Variants in OXR1 observed in about 807,000 individuals in gnomAD.
The protein encoded by OXR1 is oxidation resistance protein 1.
A neutral mutation model predicts 104.6 loss-of-function variants in OXR1; 41 were observed. That is an observed-to-expected ratio of 0.39 (90% CI 0.31 to 0.51). The LOEUF is 0.51. Ranked by LOEUF, OXR1 falls within the 20% of genes least tolerant of loss-of-function variation. OXR1 has a pLI of 0.77. For synonymous variants in OXR1, 348 were observed against 348.4 expected (o/e 1.00, Z 0.01); for missense variants, 955 against 1,031.9 (o/e 0.93, Z 1.02).
intron 3 of OXR1, among the ~76,000 whole-genome samples, chr8:106,524,412 A>C (rs78598320): frequency 0.014 from 2,197 of 152,328 alleles, 46 homozygotes; most frequent in East Asian, 0.11. Flanking sequence ...AGGGAACTGG[A>C]GCTGGAATTC....
chr8:106,624,074 T>C lies in OXR1; in HGVS notation c.221-55136T>C, dbSNP rs529104151. Among the ~76,000 whole-genome samples, 3 of 152,328 alleles carry C rather than the reference T, an allele frequency of 2.0e-5. No individual in the cohort carries two copies. In the South Asian group the frequency reaches 6.2e-4, roughly 32 times the overall value. On this transcript the variant is annotated intron_variant, in intron 3 of 16. Transcript: ENST00000517566. Reference sequence around the variant, plus strand: ...GTTTTCATTCACATGTGTGTTTTCTTTCCTCTCCACCCTTGTTTCTCTGGA... The same window carrying C: ...GTTTTCATTCACATGTGTGTTTTCTCTCCTCTCCACCCTTGTTTCTCTGGA...
At chr8:106,453,427 G>A (rs962856776) in intron 2 of OXR1, among the ~76,000 whole-genome samples, 17 of 152,192 alleles carry the variant, frequency 1.1e-4, no homozygotes, top group African/African-American at 3.9e-4. Context: ...AGTTGAAATT[G>A]TCTGCTGGAT....
At chr8:106,287,258 C>CT (rs1366833345) in intron 1 of OXR1, among the ~76,000 whole-genome samples, 7 of 152,102 alleles carry the variant, frequency 4.6e-5, no homozygotes. Context: ...TTGTTCATGG[C>CT]TAAAAGGAGG....
chr8:106,349,221 A>G (rs1815622210), intron 1 of OXR1, among the ~76,000 whole-genome samples: 1 of 152,188 alleles, frequency 6.6e-6, no homozygotes, highest in Non-Finnish European at 1.5e-5. Context: ...TTGATCATCC[A>G]AATGATCAAA....
At chr8:106,698,130 A>G (rs990626909) in intron 7 of OXR1, 11 of 642,040 alleles carry the variant, frequency 1.7e-5, no homozygotes, top group Non-Finnish European at 3.0e-5. Context: ...TTCTACCCAG[A>G]TATCCTCTTC....
At chr8:106,523,767 T>C (rs1813432296) in intron 3 of OXR1, among the ~76,000 whole-genome samples, 1 of 149,698 alleles carries the variant, frequency 6.7e-6, no homozygotes, top group Non-Finnish European at 1.5e-5. Flanking sequence ...TAGAAGAAAA[T>C]GGAGTGGAAA....
chr8:106,302,907 AG>A (rs1813306472), intron 1 of OXR1, among the ~76,000 whole-genome samples: 1 of 151,448 alleles, frequency 6.6e-6, no homozygotes, highest in Non-Finnish European at 1.5e-5. Context: ...GCCCGCCACC[AG>A]GCCCGGCTAA....
intron 10 of OXR1, among the ~76,000 whole-genome samples, chr8:106,713,510 G>A (rs559567744): frequency 6.6e-6 from 1 of 151,836 alleles, no homozygotes; most frequent in South Asian, 2.1e-4. Context: ...TCAAAGTTGT[G>A]TATCTAATTT....
intron 3 of OXR1, among the ~76,000 whole-genome samples, chr8:106,559,631 A>C (rs1231838622): frequency 2.0e-5 from 3 of 152,234 alleles, no homozygotes; most frequent in Non-Finnish European, 2.9e-5. Flanking sequence ...GAGGCTGAGA[A>C]GTCCAAGATC....
intron 9 of OXR1, among the ~76,000 whole-genome samples, chr8:106,708,094 C>G (rs1831322871): frequency 6.6e-6 from 1 of 151,998 alleles, no homozygotes. Flanking sequence ...ACTCTGTACC[C>G]CTTAAACAAT....
intron 3 of OXR1, among the ~76,000 whole-genome samples, chr8:106,606,013 T>C (rs1315092498): frequency 1.3e-5 from 2 of 152,002 alleles, no homozygotes; most frequent in Non-Finnish European, 2.9e-5. Context: ...ATGTTTCCTA[T>C]TGCAGTTGTG....
intron 1 of OXR1, among the ~76,000 whole-genome samples, chr8:106,294,118 A>G (rs1812877441): frequency 6.6e-6 from 1 of 151,960 alleles, no homozygotes; most frequent in South Asian, 2.1e-4. Context: ...GCCAGGGACA[A>G]TGGCTTAAAT....
chr8:106,308,773 C>A (rs2130122414), intron 1 of OXR1, among the ~76,000 whole-genome samples: 1 of 152,232 alleles, frequency 6.6e-6, no homozygotes, highest in East Asian at 1.9e-4. Context: ...TAGAGATCTA[C>A]ACAAAATAAA....
chr8:106,365,693 C>A (rs896221173), intron 2 of OXR1, among the ~76,000 whole-genome samples: 2 of 152,080 alleles, frequency 1.3e-5, no homozygotes, highest in African/African-American at 4.8e-5. Context: ...GAATCCGCAA[C>A]CATTTTTTGG....
chr8:106,270,275 C>T lies in OXR1; in HGVS notation c.-231C>T, dbSNP rs923096629. On this transcript the variant is annotated 5_prime_UTR_variant, in exon 1 of 17. Transcript: ENST00000517566. Reference sequence around the variant, plus strand: ...CCTCGCGGCCACAGGAGCTCAGCGCCGGCGCCGCGCCGCCCAGCCCCGCCG... The same window carrying T: ...CCTCGCGGCCACAGGAGCTCAGCGCTGGCGCCGCGCCGCCCAGCCCCGCCG... The T allele has an allele frequency of 3.3e-5, 5 of 151,970 alleles. No individual in the cohort carries two copies. The highest frequency in any genetic ancestry group is 2.1e-4 in the South Asian group (1 of 4,846). The allele number at this position is 151,970 out of a possible 1,614,324, so 9.4% of individuals were successfully genotyped here.
intron 1 of OXR1, among the ~76,000 whole-genome samples, chr8:106,348,728 T>G (rs1400213098): frequency 1.3e-5 from 2 of 152,080 alleles, no homozygotes; most frequent in East Asian, 3.9e-4. Context: ...AAACTTTGAG[T>G]TTTGAACCGA....
intron 6 of OXR1, among the ~76,000 whole-genome samples, chr8:106,691,609 CATATATATACATATATATATATAT>C (rs1187917000): frequency 2.6e-3 from 199 of 76,876 alleles, no homozygotes; most frequent in African/African-American, 0.01. Flanking sequence ...ACAATGTGCA[CATATATATACATATATATATATAT>C]ATATATATAC....
At chr8:106,552,654 C>T (rs1385908848) in intron 3 of OXR1, among the ~76,000 whole-genome samples, 1 of 152,140 alleles carries the variant, frequency 6.6e-6, no homozygotes, top group African/African-American at 2.4e-5. Flanking sequence ...TTCATTTATT[C>T]TCTGTGTCTT....
At chr8:106,521,973 C>G (rs1172769549) in intron 3 of OXR1, among the ~76,000 whole-genome samples, 1 of 152,154 alleles carries the variant, frequency 6.6e-6, no homozygotes, top group Non-Finnish European at 1.5e-5. Context: ...AGAGTTTATA[C>G]TCCTGGAAAA....
Sources: gnomAD v4.1 joint callset for allele counts (sites outside exome capture counted in the v4.1 genomes callset) on GRCh38, gnomAD v4.1.1 for gene constraint, MANE v1.5 for transcripts, NCBI Gene and HGNC (gene_info 2026-07-23, HGNC 2026-07-21) for gene names.